USP32: variants seen among roughly 807,000 people sequenced by gnomAD.
USP32 encodes the protein ubiquitin specific peptidase 32.
Under a neutral mutation model 204.8 loss-of-function variants are expected in USP32, and 59 were observed. The observed-to-expected ratio is 0.29, with a 90% CI of 0.23 to 0.36. USP32 has a LOEUF of 0.36. Ranked by LOEUF, USP32 falls within the 10% of genes least tolerant of loss-of-function variation. USP32 has a pLI of 1.00. For synonymous variants in USP32, 517 were observed against 678.4 expected (o/e 0.76, Z 3.70); for missense variants, 1,160 against 1,946.4 (o/e 0.60, Z 7.60).
intron 27 of USP32, among the ~76,000 whole-genome samples, chr17:60,194,474 T>A (rs993513786): frequency 6.6e-6 from 1 of 152,240 alleles, no homozygotes; most frequent in African/African-American, 2.4e-5. Flanking sequence ...TTGTAGCATG[T>A]GCTACTGAAT....
chr17:60,183,654 C>T (rs975374048), intron 30 of USP32, among the ~76,000 whole-genome samples: 7 of 152,264 alleles, frequency 4.6e-5, no homozygotes, highest in Admixed American at 3.9e-4. Flanking sequence ...TGCTTGTGCA[C>T]ACACACTCAA....
chr17:60,274,855 A>G (rs934767098), intron 5 of USP32, among the ~76,000 whole-genome samples: 9 of 152,164 alleles, frequency 5.9e-5, no homozygotes, highest in African/African-American at 2.2e-4. Context: ...ATACTTCCCC[A>G]TGATCCTGCA....
At chr17:60,390,906 C>G (rs1394305642) in intron 1 of USP32, among the ~76,000 whole-genome samples, 1 of 152,192 alleles carries the variant, frequency 6.6e-6, no homozygotes, top group Admixed American at 6.5e-5. Context: ...TCTACACACA[C>G]TGAAATCCCA....
rs2085725923 is a variant in USP32 at position 60,236,381 on chromosome 17, T to TAA, written c.1137-143_1137-142dup. On this transcript the variant is annotated intron_variant, in intron 11 of 33. Transcript: ENST00000300896. ...GGAGAGACTGCCAAAACCCAATTAG[T>TAA]AAAACAACACTGTTTCTATTGATAA... 1.7e-5 allele frequency: 10 copies of TAA among 573,606 alleles called. No homozygotes were observed. In the East Asian group the frequency reaches 3.1e-4, roughly 18 times the overall value. 35.5% of individuals were successfully genotyped at this position (573,606 alleles called of 1,614,324 possible).
intron 3 of USP32, among the ~76,000 whole-genome samples, chr17:60,298,562 A>G (rs189682172): frequency 2.7e-4 from 41 of 152,016 alleles, no homozygotes; most frequent in African/African-American, 6.8e-4. Flanking sequence ...TTTTTGCTGT[A>G]CTGTTACCTT....
chr17:60,230,465 G>T (rs1369526017), intron 12 of USP32, among the ~76,000 whole-genome samples: 1 of 152,236 alleles, frequency 6.6e-6, no homozygotes, highest in Non-Finnish European at 1.5e-5. Context: ...TGAACAGGAT[G>T]ATTCTAATAA....
At chr17:60,380,814 C>T (rs376417953) in intron 1 of USP32, among the ~76,000 whole-genome samples, 12 of 152,268 alleles carry the variant, frequency 7.9e-5, no homozygotes, top group South Asian at 6.2e-4. Flanking sequence ...AACCAAGGCT[C>T]ACCTTCAAAA....
At chr17:60,341,395 T>C (rs1328106723) in intron 2 of USP32, among the ~76,000 whole-genome samples, 1 of 152,128 alleles carries the variant, frequency 6.6e-6, no homozygotes, top group Non-Finnish European at 1.5e-5. Flanking sequence ...CAGCATTTGC[T>C]TGTCTGTAAA....
intron 2 of USP32, chr17:60,315,727 C>T (rs547204778): frequency 4.6e-5 from 7 of 152,126 alleles, no homozygotes; most frequent in Non-Finnish European, 8.8e-5. Flanking sequence ...ATTATTTAGC[C>T]ATAAAAAAGA....
At chr17:60,392,178 TTCTCTCTCC>T (rs1239646567), upstream of USP32, 2 of 507,762 alleles carry the variant, frequency 3.9e-6, no homozygotes, top group African/African-American at 2.1e-5. Flanking sequence ...TACTCCGCCC[TTCTCTCTCC>T]TCTCTCTCCT....
intron 2 of USP32, among the ~76,000 whole-genome samples, chr17:60,317,647 C>T (rs574187426): frequency 7.2e-5 from 11 of 152,050 alleles, no homozygotes; most frequent in South Asian, 6.2e-4. Flanking sequence ...AGACCCTCAC[C>T]GCTACAAAAT....
intron 2 of USP32, among the ~76,000 whole-genome samples, chr17:60,307,747 C>T (rs1310536850): frequency 1.3e-5 from 2 of 152,160 alleles, no homozygotes; most frequent in Admixed American, 6.6e-5. Flanking sequence ...ACAGGCACTC[C>T]TGCCTTGGTG....
At chr17:60,277,489 G>A (rs1278758523) in intron 5 of USP32, among the ~76,000 whole-genome samples, 8 of 152,240 alleles carry the variant, frequency 5.3e-5, no homozygotes, top group Middle Eastern at 3.4e-3. Flanking sequence ...AGATTTACTA[G>A]GCAGTTCATG....
chr17:60,236,365 G>A, intron 11 of USP32, 125 bp from the exon 12 acceptor site: 2 of 652,176 alleles, frequency 3.1e-6, no homozygotes, highest in South Asian at 2.0e-5. Context: ...AGGAGAGACT[G>A]CCAAAACCCA....
chr17:60,409,142 C>A (rs1164071984), intron 1 of USP32, among the ~76,000 whole-genome samples: 5 of 152,054 alleles, frequency 3.3e-5, no homozygotes, highest in Non-Finnish European at 2.9e-5. Flanking sequence ...GAGGCCAGGA[C>A]TTCAAGACCA....
At chr17:60,285,396 G>A (rs2087085886) in intron 5 of USP32, among the ~76,000 whole-genome samples, 1 of 152,160 alleles carries the variant, frequency 6.6e-6, no homozygotes, top group African/African-American at 2.4e-5. Flanking sequence ...AATAATAACA[G>A]AATGAAAATG....
At chr17:60,196,928 ACCAGT>A (rs1269915815) in intron 27 of USP32, among the ~76,000 whole-genome samples, 1 of 150,634 alleles carries the variant, frequency 6.6e-6, no homozygotes, top group African/African-American at 2.4e-5. Flanking sequence ...CACCTGTAAT[ACCAGT>A]ACTTTGAGAG....
At chr17:60,328,682 G>A (rs2088303692) in intron 2 of USP32, among the ~76,000 whole-genome samples, 1 of 152,222 alleles carries the variant, frequency 6.6e-6, no homozygotes, top group South Asian at 2.1e-4. Context: ...GCCAGACCTG[G>A]GAGCTCCCTG....
At position 60,266,008 on chromosome 17, in the gene USP32, C is replaced by A. The variant is rs769729040; in HGVS notation, c.895G>T (p.Val299Phe). ...TCATCAGTGCGGTTGTCCTTCCAGA[C>A]TTCTAAAAGTGCAACCACCATGTCT... ...LRDMVVALLE[V>F]WKDNRTDDIP... Residue 299 changes from valine (V) to phenylalanine (F), a missense_variant, in exon 8 of 34, where the codon GTC (valine) becomes TTC (phenylalanine). By Grantham distance (50) the Val-to-Phe change is conservative. Coordinates refer to ENST00000300896, the MANE Select transcript of USP32 (RefSeq NM_032582.4). 6.2e-7 allele frequency: 1 copy of A among 1,614,046 alleles called. No individual in the cohort carries two copies. The highest frequency in any genetic ancestry group is 8.5e-7 in the Non-Finnish European group (1 of 1,179,958).
Sources: gnomAD v4.1 joint callset for allele counts (sites outside exome capture counted in the v4.1 genomes callset) on GRCh38, gnomAD v4.1.1 for gene constraint, MANE v1.5 for transcripts, NCBI Gene and HGNC (gene_info 2026-07-23, HGNC 2026-07-21) for gene names.